The following RXFP2 variants were observed in gnomAD, a reference collection of about 807,000 sequenced individuals.
RXFP2 encodes the protein relaxin family peptide receptor 2, also known as relaxin receptor 2.
In RXFP2, 68 loss-of-function variants were observed where a neutral mutation model predicts 88.6. The ratio of observed to expected loss-of-function variants is 0.77; its 90% CI spans 0.63 to 0.94. The LOEUF (loss-of-function observed/expected upper bound fraction) is 0.94. Among genes scored for constraint, RXFP2 ranks in the 40% least tolerant of loss-of-function variants. RXFP2 has a pLI of 0.00. For missense variants in RXFP2, 791 were observed against 893.9 expected, an observed-to-expected ratio of 0.88 and a Z score of 1.47; for synonymous variants, 329 against 306.8, an observed-to-expected ratio of 1.07 and a Z score of -0.76.
At chr13:31,766,056 T>TA (rs35564049) in intron 5 of RXFP2, 29 bp downstream of exon 5, 952,826 of 987,992 alleles carry the variant, frequency 0.96, 462,009 homozygotes, top group Non-Finnish European at 0.99. Context: ...CATATTTATT[T>TA]AAAAAAAATC....
At chr13:31,758,940 C>A (rs1872110828) in intron 2 of RXFP2, among the ~76,000 whole-genome samples, 1 of 151,762 alleles carries the variant, frequency 6.6e-6, no homozygotes, top group Admixed American at 6.6e-5. Flanking sequence ...CCCAGCTACT[C>A]GGGAGGCTGA....
At chr13:31,792,552 A>G in intron 15 of RXFP2, 126 bp from the exon 16 acceptor site, 1 of 902,424 alleles carries the variant, frequency 1.1e-6, no homozygotes, top group Non-Finnish European at 1.8e-6. Context: ...ACATTAGTTC[A>G]TTTGATATAA....
chr13:31,789,380 A>G (rs533382796), intron 14 of RXFP2, among the ~76,000 whole-genome samples, 187 bp downstream of exon 14: 1 of 152,328 alleles, frequency 6.6e-6, no homozygotes, highest in South Asian at 2.1e-4. Flanking sequence ...GCCGACATGA[A>G]TGACCCTTCT....
At chr13:31,764,696 C>A (rs1248952554) in intron 3 of RXFP2, among the ~76,000 whole-genome samples, 2 of 136,288 alleles carry the variant, frequency 1.5e-5, no homozygotes, top group Admixed American at 8.0e-5. Context: ...TCAGTCATAT[C>A]CATTAAGAAT....
intron 10 of RXFP2, among the ~76,000 whole-genome samples, chr13:31,782,029 G>A (rs896502896): frequency 1.3e-5 from 2 of 151,894 alleles, no homozygotes; most frequent in African/African-American, 2.4e-5. Context: ...TGGTCACCAA[G>A]GAAGGGAAAT....
At position 31,772,881 on chromosome 13, in the gene RXFP2, C is replaced by T. The variant is rs75041782; in HGVS notation, c.498-1739C>T. ...CAAATTCACAATTTGCAACTGCATT[C>T]ATCTCTTCAAGATGTGACAACATGT... On this transcript the variant is annotated intron_variant, in intron 5 of 17. Transcript: ENST00000298386. 2.2e-4 allele frequency among the ~76,000 whole-genome samples: 33 copies of T among 152,320 alleles called. No homozygotes were observed. In the East Asian group the frequency reaches 6.2e-3, roughly 28 times the overall value.
rs571612907 is a variant in RXFP2 at position 31,778,375 on chromosome 13, T to C, written c.714-137T>C. ...TGCCATACACATGTTTTAAAGACCA[T>C]TTTGAAATAGCTATATATGTTATCA... On this transcript the variant is annotated intron_variant, in intron 8 of 17. Transcript: ENST00000298386. 29 of 650,342 alleles carry C rather than the reference T, an allele frequency of 4.5e-5. 1 individual carries two copies. The South Asian group carries it at 5.0e-4, about 11-fold the overall frequency. 40.3% of individuals were successfully genotyped at this position (650,342 alleles called of 1,614,324 possible). A position where few individuals can be genotyped will look rare whatever the true frequency, so the allele number is the denominator to read the frequency against.
At chr13:31,772,718 A>G (rs1052315092) in intron 5 of RXFP2, among the ~76,000 whole-genome samples, 4 of 152,232 alleles carry the variant, frequency 2.6e-5, no homozygotes, top group African/African-American at 9.6e-5. Flanking sequence ...ATAGAAGACT[A>G]GAAGCTCTTC....
At chr13:31,793,156 G>A (rs1873877044) in intron 16 of RXFP2, 68 bp downstream of exon 16, 1 of 1,379,504 alleles carries the variant, frequency 7.2e-7, no homozygotes, top group South Asian at 1.2e-5. Context: ...TTTCAGCAAA[G>A]GTGGATTTGT....
At chr13:31,742,840 A>C (rs1322571) in intron 1 of RXFP2, among the ~76,000 whole-genome samples, 120,347 of 152,134 alleles carry the variant, frequency 0.79, 47,719 homozygotes, top group Non-Finnish European at 0.82. Flanking sequence ...GCAACAAAAA[A>C]TGCAACTAAT....
chr13:31,740,050 T>C (rs1474576196), intron 1 of RXFP2, among the ~76,000 whole-genome samples: 1 of 152,144 alleles, frequency 6.6e-6, no homozygotes, highest in Admixed American at 6.5e-5. Flanking sequence ...TTGTGTTTTG[T>C]GGAATTTCAA....
chr13:31,794,296 T>C (rs1350489928), intron 16 of RXFP2, among the ~76,000 whole-genome samples: 2 of 152,000 alleles, frequency 1.3e-5, no homozygotes, highest in Non-Finnish European at 2.9e-5. Context: ...GTTCTTTGTA[T>C]TTCCTTATCA....
At chr13:31,796,110 C>T (rs1330493658) in intron 16 of RXFP2, among the ~76,000 whole-genome samples, 4 of 120,738 alleles carry the variant, frequency 3.3e-5, no homozygotes, top group Non-Finnish European at 6.3e-5. Flanking sequence ...AGTGCAGTGG[C>T]GCAATCTCGG....
In RXFP2 at chr13:31,758,330, C is replaced by G. The variant is rs770329671; in HGVS notation, c.167C>G (p.Thr56Ser). The G allele has an allele frequency of 3.1e-6, 5 of 1,614,022 alleles. No individual in the cohort carries two copies. The highest frequency in any genetic ancestry group is 3.4e-6 in the Non-Finnish European group (4 of 1,180,018). Residue 56 changes from threonine (T) to serine (S), a missense_variant, in exon 2 of 18, where the codon ACC (threonine) becomes AGC (serine). By Grantham distance (58) the Thr-to-Ser change is moderately conservative. Coordinates refer to ENST00000298386, the MANE Select transcript of RXFP2 (RefSeq NM_130806.5). ...GGATATTTTCCCTGTGGGAATCTTA[C>G]CAAGTGCTTACCCCGAGCTTTTCAC... is the stretch of plus-strand genomic sequence containing the variant. ...QKGYFPCGNLTKCLPRAFHCD... is the reference protein window; with the variant it reads ...QKGYFPCGNLSKCLPRAFHCD...
intron 5 of RXFP2, among the ~76,000 whole-genome samples, chr13:31,771,786 T>A (rs2138425182): frequency 9.1e-6 from 1 of 109,340 alleles, no homozygotes; most frequent in Non-Finnish European, 2.1e-5. Flanking sequence ...AGCGTAACTC[T>A]GTCTTAAAAA....
chr13:31,756,771 C>T (rs915089907), intron 1 of RXFP2, among the ~76,000 whole-genome samples: 2 of 151,994 alleles, frequency 1.3e-5, no homozygotes, highest in South Asian at 2.1e-4. Context: ...GCAGCACGTG[C>T]CACCATGCCT....
chr13:31,776,253 CTTTTTT>C (rs149978498), intron 7 of RXFP2, among the ~76,000 whole-genome samples: 1 of 84,394 alleles, frequency 1.2e-5, no homozygotes, highest in Non-Finnish European at 2.2e-5. Context: ...CTCTTTCCTT[CTTTTTT>C]TTTTTTTTTT....
chr13:31,797,325 A>C lies in RXFP2; in HGVS notation c.1911A>C (p.Ala637=). The part of the protein sequence containing the change: ...RNCFGREVAV[A]NRFFFIVFSD... The stretch of plus-strand genomic sequence containing the variant: ...GTTTTGGAAGAGAGGTGGCTGTTGC[A>C]AATCGTTTCTTTTTTATAGTGTTCT... Residue 637 remains alanine (A), a synonymous_variant, in exon 17 of 18, where the codon GCA becomes GCC. Transcript: ENST00000298386. 1 of 1,614,122 alleles carries C rather than the reference A, an allele frequency of 6.2e-7. No homozygotes were observed. Among genetic ancestry groups the C allele is most frequent in the Non-Finnish European group, 8.5e-7 (1 of 1,179,994 alleles).
At chr13:31,774,921 C>G (rs907004082) in intron 6 of RXFP2, among the ~76,000 whole-genome samples, 4 of 152,148 alleles carry the variant, frequency 2.6e-5, no homozygotes, top group Admixed American at 1.3e-4. Flanking sequence ...GGGTCACTTC[C>G]ACAATATTTT....
Sources: allele counts gnomAD v4.1 joint callset (sites outside exome capture counted in the v4.1 genomes callset), GRCh38; gene constraint gnomAD v4.1.1; transcripts MANE v1.5; gene names NCBI Gene and HGNC (gene_info 2026-07-23, HGNC 2026-07-21).